CRAT: variants seen among roughly 807,000 people sequenced by gnomAD.
The protein encoded by CRAT is carnitine acetylase.
A neutral mutation model predicts 73.7 loss-of-function variants in CRAT; 66 were observed. The ratio of observed to expected loss-of-function variants is 0.90; its 90% CI spans 0.73 to 1.10. The LOEUF is 1.10. CRAT is among the 50% of genes least tolerant of loss of function. CRAT has a pLI of 0.00. For synonymous variants in CRAT, 321 were observed against 343.2 expected, an observed-to-expected ratio of 0.94 and a Z score of 0.71; for missense variants, 745 against 846.9, an observed-to-expected ratio of 0.88 and a Z score of 1.49.
rs1297271783 is a variant in CRAT, at chr9:129,094,956, G to A, written c.*441C>T. 5.2e-6 allele frequency: 1 copy of A among 192,764 alleles called. No homozygotes were observed. The highest frequency in any genetic ancestry group is 1.1e-4 in the South Asian group (1 of 9,390). 11.9% of individuals were successfully genotyped at this position (192,764 alleles called of 1,614,324 possible). ...GTGAAACCTCACACCCTGGCCCCTCGGCCCCAGACAATCCTGTCTCCAGGT... is the reference window on the plus strand; with the variant it reads ...GTGAAACCTCACACCCTGGCCCCTCAGCCCCAGACAATCCTGTCTCCAGGT... On this transcript the variant is annotated 3_prime_UTR_variant, in exon 14 of 14. Transcript: ENST00000318080.
chr9:129,103,044 C>T lies in CRAT; in HGVS notation c.433G>A (p.Gly145Ser). ...ATCATGACCTTGAAATCCAACACACCCTCAATGAGTTTGGCAGCAAATCTG... is the reference window on the plus strand; with the variant it reads ...ATCATGACCTTGAAATCCAACACACTCTCAATGAGTTTGGCAGCAAATCTG... ...QLRFAAKLIE[G>S]VLDFKVMIDN... Residue 145 changes from glycine (G) to serine (S), a missense_variant, in exon 4 of 14, where the codon GGT (glycine) becomes AGT (serine). Transcript: ENST00000318080. This position sits in a 1 kb window ranked among gnomAD's most constrained non-coding sequence, Gnocchi z 4.6. The T allele has an allele frequency of 6.2e-7, 1 of 1,614,074 alleles. No homozygotes were observed. Among genetic ancestry groups the T allele is most frequent in the Non-Finnish European group, 8.5e-7 (1 of 1,179,974 alleles).
In CRAT at chr9:129,103,086, A is replaced by T; in HGVS notation, c.411-20T>A. Reference sequence around the variant, plus strand: ...GCAAATCTGGAAAGATTGATTAGAGATTAGAAGCTGCGTGGACACCCTGAG... The same window carrying T: ...GCAAATCTGGAAAGATTGATTAGAGTTTAGAAGCTGCGTGGACACCCTGAG... On this transcript the variant is annotated intron_variant, in intron 3 of 13. Transcript: ENST00000318080. The surrounding 1 kb of genome is among the most constrained non-coding windows in gnomAD (Gnocchi z 4.6). 1 of 1,612,810 alleles carries T rather than the reference A, an allele frequency of 6.2e-7. No individual in the cohort carries two copies. Among genetic ancestry groups the T allele is most frequent in the Non-Finnish European group, 8.5e-7 (1 of 1,178,824 alleles).
Position 129,107,836 on chromosome 9 carries a change from C to G in CRAT, c.269G>C (p.Arg90Pro). The stretch of plus-strand genomic sequence containing the variant: ...CACCCAGTTCTCCGTCTTCCTGGCC[C>G]GACGCTCCAGCCCCTTCTGCAGGCG... Reference protein sequence around the residue: ...GERLQKGLERRARKTENWLSE... With the variant: ...GERLQKGLERPARKTENWLSE... Residue 90 changes from arginine to proline, a missense_variant, in exon 2 of 14, where the codon CGG becomes CCG. Physicochemically the swap from Arg to Pro is moderately radical, Grantham distance 103 (BLOSUM62 -2). Transcript: ENST00000318080. This position sits in a 1 kb window ranked among gnomAD's most constrained non-coding sequence, Gnocchi z 5.0. 6.2e-7 allele frequency: 1 copy of G among 1,612,894 alleles called. No homozygotes were observed. Among genetic ancestry groups the G allele is most frequent in the Non-Finnish European group, 8.5e-7 (1 of 1,180,020 alleles).
intron 7 of CRAT, 87 bp downstream of exon 7, chr9:129,100,424 G>A (rs1847586225): frequency 8.0e-6 from 10 of 1,250,860 alleles, no homozygotes; most frequent in Admixed American, 6.1e-5. Context: ...GGCTGGGGAC[G>A]CAGGGCCGGG....
At position 129,107,404 on chromosome 9, in the gene CRAT, A is replaced by G; in HGVS notation, c.291+410T>C. 1.7e-6 allele frequency: 1 copy of G among 573,374 alleles called. No homozygotes were observed. The allele number at this position is 573,374 out of a possible 1,614,324, so 35.5% of individuals were successfully genotyped here. On this transcript the variant is annotated intron_variant, in intron 2 of 13. Coordinates refer to ENST00000318080, the MANE Select transcript of CRAT (RefSeq NM_000755.5). This position sits in a 1 kb window ranked among gnomAD's most constrained non-coding sequence, Gnocchi z 5.0. Reference sequence around the variant, plus strand: ...GCACACCAAACATTGGTGTAGACATATTTGCCAAACTGGGTACACCTGTGT... The same window carrying G: ...GCACACCAAACATTGGTGTAGACATGTTTGCCAAACTGGGTACACCTGTGT...
rs953135293 is a variant in CRAT, at chr9:129,110,421, C to A, written c.27+62G>T. The A allele has an allele frequency of 1.3e-6, 2 of 1,481,512 alleles. No individual in the cohort carries two copies. The highest frequency in any genetic ancestry group is 1.3e-5 in the South Asian group (1 of 78,794). The allele number at this position is 1,481,512 out of a possible 1,614,324, so 91.8% of individuals were successfully genotyped here. Reference sequence around the variant, plus strand: ...GCAGGACGCGGTCTCCGTTCCCGGACGCAACCGCACGGCCCGCCCAGGCCG... The same window carrying A: ...GCAGGACGCGGTCTCCGTTCCCGGAAGCAACCGCACGGCCCGCCCAGGCCG... On this transcript the variant is annotated intron_variant, in intron 1 of 13. Transcript: ENST00000318080. The surrounding 1 kb of genome is among the most constrained non-coding windows in gnomAD (Gnocchi z 5.3).
chr9:129,110,459 A>G lies in CRAT; in HGVS notation c.27+24T>C. The stretch of plus-strand genomic sequence containing the variant: ...CCCGCCCAGGCCGTCCAGGGCCCTC[A>G]GGCCCGGGATCCGCCGCACTCACCA... On this transcript the variant is annotated intron_variant, in intron 1 of 13. Transcript: ENST00000318080. The surrounding 1 kb of genome is among the most constrained non-coding windows in gnomAD (Gnocchi z 5.3). 2 of 1,569,490 alleles carry G rather than the reference A, an allele frequency of 1.3e-6. No homozygotes were observed. Among genetic ancestry groups the G allele is most frequent in the East Asian group, 2.5e-5 (1 of 40,706 alleles).
At position 129,107,716 on chromosome 9, in the gene CRAT, T is replaced by C; in HGVS notation, c.291+98A>G. On this transcript the variant is annotated intron_variant, in intron 2 of 13. Coordinates refer to ENST00000318080, the MANE Select transcript of CRAT (RefSeq NM_000755.5). The surrounding 1 kb of genome is among the most constrained non-coding windows in gnomAD (Gnocchi z 5.0). ...GACACAGAGTATGTGCTCACGAAAC[T>C]CTGGGCAGCAAACGAACGGCCGTGC... The C allele has an allele frequency of 6.4e-7, 1 of 1,572,210 alleles. No homozygotes were observed. The highest frequency in any genetic ancestry group is 8.7e-7 in the Non-Finnish European group (1 of 1,149,110).
At chr9:129,099,840 T>A (rs1847544933) in intron 8 of CRAT, 26 bp downstream of exon 8, 1 of 1,556,858 alleles carries the variant, frequency 6.4e-7, no homozygotes, top group East Asian at 2.3e-5. Context: ...GCTGGGGAAC[T>A]AGGCGAGAGA....
At chr9:129,098,768 T>G in intron 8 of CRAT, 118 bp from the exon 9 acceptor site, 1 of 1,287,804 alleles carries the variant, frequency 7.8e-7, no homozygotes, top group Non-Finnish European at 1.0e-6. Context: ...CAGGGAGGTG[T>G]GAGTTTGTTC....
chr9:129,103,764 C>G lies in CRAT; in HGVS notation c.410+424G>C, dbSNP rs1416828142. Among the ~76,000 whole-genome samples, 5 of 152,250 alleles carry G rather than the reference C, an allele frequency of 3.3e-5. No individual in the cohort carries two copies. The East Asian group carries it at 9.7e-4, about 29-fold the overall frequency. ...ATCCTTGTCACTGGTATTTTTATCT[C>G]TGGTAGGACTGGAATAGGGGCTGGG... On this transcript the variant is annotated intron_variant, in intron 3 of 13. Transcript: ENST00000318080. The surrounding 1 kb of genome is among the most constrained non-coding windows in gnomAD (Gnocchi z 4.6).
Position 129,107,394 on chromosome 9 carries a change from G to A in CRAT, c.291+420C>T. 1 of 569,046 alleles carries A rather than the reference G, an allele frequency of 1.8e-6. No individual in the cohort carries two copies. The allele number at this position is 569,046 out of a possible 1,614,324, so 35.2% of individuals were successfully genotyped here. A position where few individuals can be genotyped will look rare whatever the true frequency, so the allele number is the denominator to read the frequency against. The stretch of plus-strand genomic sequence containing the variant: ...AAATAGAAAAGCACACCAAACATTG[G>A]TGTAGACATATTTGCCAAACTGGGT... On this transcript the variant is annotated intron_variant, in intron 2 of 13. Coordinates refer to ENST00000318080, the MANE Select transcript of CRAT (RefSeq NM_000755.5). This position sits in a 1 kb window ranked among gnomAD's most constrained non-coding sequence, Gnocchi z 5.0.
chr9:129,100,045 G>A lies in CRAT; in HGVS notation c.985-79C>T, dbSNP rs1027256070. The A allele has an allele frequency of 3.6e-6, 4 of 1,111,618 alleles. No homozygotes were observed. The African/African-American group carries it at 6.2e-5, about 17-fold the overall frequency. 68.9% of individuals were successfully genotyped at this position (1,111,618 alleles called of 1,614,324 possible). ...CTCACCCAACCACTCTTTGGTTGAG[G>A]CAAGGGCCTCTCTGAAGCCATCTCA... On this transcript the variant is annotated intron_variant, in intron 7 of 13. Transcript: ENST00000318080.
intron 6 of CRAT, 111 bp from the exon 7 acceptor site, chr9:129,100,800 T>C (rs7866897): frequency 0.71 from 915,271 of 1,293,060 alleles, 327,287 homozygotes; most frequent in Non-Finnish European, 0.73. Context: ...CATTTGTACC[T>C]CTCTGGGATG....
At chr9:129,102,675 T>A in intron 4 of CRAT, 110 bp from the exon 5 acceptor site, 1 of 1,252,884 alleles carries the variant, frequency 8.0e-7, no homozygotes. Flanking sequence ...GTGTCCCTGC[T>A]CCCACTCCCA....
intron 2 of CRAT, among the ~76,000 whole-genome samples, chr9:129,105,814 C>T (rs1163892934): frequency 6.6e-6 from 1 of 152,138 alleles, no homozygotes; most frequent in Admixed American, 6.5e-5. Flanking sequence ...GTGGGTGACA[C>T]ATCCTTACTC....
rs1848089534 is a variant in CRAT at position 129,107,568 on chromosome 9, C to T, written c.291+246G>A. ...CCCCACTCCTGCCTCTGTCCTGGAA[C>T]ATGAAACCTTGTCCACAACCTGTAT... On this transcript the variant is annotated intron_variant, in intron 2 of 13. Transcript: ENST00000318080. This position sits in a 1 kb window ranked among gnomAD's most constrained non-coding sequence, Gnocchi z 5.0. 1 of 686,386 alleles carries T rather than the reference C, an allele frequency of 1.5e-6. No homozygotes were observed. Among genetic ancestry groups the T allele is most frequent in the Non-Finnish European group, 2.7e-6 (1 of 374,594 alleles). 42.5% of individuals were successfully genotyped at this position (686,386 alleles called of 1,614,324 possible). A position where few individuals can be genotyped will look rare whatever the true frequency, so the allele number is the denominator to read the frequency against.
rs145973822 is a variant in CRAT at position 129,098,191 on chromosome 9, C to T, written c.1329-43G>A. ...TAAGCACGCCCCTTGGAGGCGGGCA[C>T]CCCCTCCCCTGCCCCCAGGTCTCCT... On this transcript the variant is annotated intron_variant, in intron 10 of 13. Transcript: ENST00000318080. 501 of 1,612,404 alleles carry T rather than the reference C, an allele frequency of 3.1e-4. No homozygotes were observed. The African/African-American group carries it at 6.0e-3, about 19-fold the overall frequency.
At chr9:129,105,031 G>C (rs149179659) in intron 2 of CRAT, among the ~76,000 whole-genome samples, 5,817 of 145,896 alleles carry the variant, frequency 0.04, 370 homozygotes, top group African/African-American at 0.14. Context: ...CTCCTGAGTA[G>C]CTGGGACTAC....
Sources: allele counts gnomAD v4.1 joint callset (sites outside exome capture counted in the v4.1 genomes callset), GRCh38; gene constraint gnomAD v4.1.1; non-coding constraint Gnocchi (gnomAD v3.1); transcripts MANE v1.5; gene names NCBI Gene and HGNC (gene_info 2026-07-23, HGNC 2026-07-21).